The following LYPD8 variants were observed in gnomAD, a reference collection of about 807,000 sequenced individuals.
LYPD8 encodes ly6/PLAUR domain-containing protein 8.
A neutral mutation model predicts 1.7 loss-of-function variants in LYPD8; 8 were observed. The observed-to-expected ratio is 4.58, with a 90% CI of 2.69 to 8.27. The LOEUF (loss-of-function observed/expected upper bound fraction) is 8.27, where lower values mean the gene tolerates loss of function less well. LYPD8 is among the 30% of genes most tolerant of loss of function. LYPD8 has a pLI of 0.00. For missense variants in LYPD8, 112 were observed against 102.3 expected, an observed-to-expected ratio of 1.09 and a Z score of -0.41; for synonymous variants, 50 against 43.6, an observed-to-expected ratio of 1.15 and a Z score of -0.58.
intron 2 of LYPD8, among the ~76,000 whole-genome samples, chr1:248,752,906 CCCCACACACCAACACA>C (rs1428147190): frequency 2.8e-5 from 3 of 107,300 alleles, no homozygotes; most frequent in Admixed American, 9.0e-5. Flanking sequence ...ATCACACACA[CCCCACACACCAACACA>C]CCACATCACA....
Position 248,748,346 on chromosome 1 carries a change from G to A in LYPD8, c.280C>T (p.His94Tyr). 2.1e-6 allele frequency: 1 copy of A among 465,402 alleles called. No homozygotes were observed. Among genetic ancestry groups the A allele is most frequent in the South Asian group, 4.3e-5 (1 of 23,018 alleles). The allele number at this position is 465,402 out of a possible 1,614,324, so 28.8% of individuals were successfully genotyped here. The change falls in exon 5 of 7, where the codon CAT becomes TAT. Residue 94 changes from histidine to tyrosine, a missense_variant. Transcript: ENST00000590317. ...CCTTGGCAGCACTGGCTTACAAAAT[G>A]AAAGTGTTCTTCAGCAGACACGTGG... is the stretch of plus-strand genomic sequence containing the variant. Reference protein sequence around the residue: ...TVHVSAEEHFHFVSQCCQGKE... With the variant: ...TVHVSAEEHFYFVSQCCQGKE...
At chr1:248,742,930 T>A in intron 6 of LYPD8, among the ~76,000 whole-genome samples, 1 of 96,012 alleles carries the variant, frequency 1.0e-5, no homozygotes, top group African/African-American at 4.3e-5. Context: ...GAGATTATGC[T>A]CTGGTGGGGA....
intron 5 of LYPD8, among the ~76,000 whole-genome samples, chr1:248,746,145 T>G (rs1000862557): frequency 6.6e-6 from 1 of 152,246 alleles, no homozygotes; most frequent in Non-Finnish European, 1.5e-5. Context: ...TTTGGTTATT[T>G]TGGCAAACTA....
At chr1:248,748,563 G>T in intron 4 of LYPD8, 110 bp from the exon 5 acceptor site, 1 of 396,378 alleles carries the variant, frequency 2.5e-6, no homozygotes, top group Non-Finnish European at 4.4e-6. Flanking sequence ...TGCAACCTCA[G>T]TATCATGCAG....
rs980021888 is a variant in LYPD8 at position 248,739,753 on chromosome 1, A to C, written c.572T>G (p.Val191Gly). ...TGCACACTCAAACTTTCGAAAGATGACTCCTCCAAGAGTCTTGTTTTCACC... is the reference window on the plus strand; with the variant it reads ...TGCACACTCAAACTTTCGAAAGATGCCTCCTCCAAGAGTCTTGTTTTCACC... ...LSGENKTLGG[V>G]IFRKFECANV... The change falls in exon 7 of 7, where the codon GTC becomes GGC. Residue 191 changes from valine to glycine, a missense_variant. Coordinates refer to ENST00000590317, the MANE Select transcript of LYPD8 (RefSeq NM_001085474.2). This position sits in a 1 kb window ranked among gnomAD's most constrained non-coding sequence, Gnocchi z 4.3. The C allele has an allele frequency of 5.2e-6, 8 of 1,551,238 alleles. No individual in the cohort carries two copies. The African/African-American group carries it at 9.6e-5, about 19-fold the overall frequency.
chr1:248,750,818 C>T (rs990603972), intron 3 of LYPD8, among the ~76,000 whole-genome samples, 175 bp from the exon 4 acceptor site: 57 of 152,198 alleles, frequency 3.7e-4, no homozygotes, highest in Admixed American at 1.4e-3. Context: ...TAATTAGTTT[C>T]TCCCACTGCT....
At position 248,739,455 on chromosome 1, in the gene LYPD8, A is replaced by G; in HGVS notation, c.*156T>C. On this transcript the variant is annotated 3_prime_UTR_variant, in exon 7 of 7. Coordinates refer to ENST00000590317, the MANE Select transcript of LYPD8 (RefSeq NM_001085474.2). The surrounding 1 kb of genome is among the most constrained non-coding windows in gnomAD (Gnocchi z 4.3). ...AACCAGTGCTTTAATAATGAAGAAC[A>G]AGGCAGCTGTCGGCATTGCCTGGAG... 1.0e-6 allele frequency: 1 copy of G among 980,518 alleles called. No homozygotes were observed. The highest frequency in any genetic ancestry group is 3.3e-4 in the Middle Eastern group (1 of 3,026). The allele number at this position is 980,518 out of a possible 1,614,324, so 60.7% of individuals were successfully genotyped here.
At chr1:248,743,323 G>A (rs1313561869) in intron 6 of LYPD8, among the ~76,000 whole-genome samples, 2 of 152,044 alleles carry the variant, frequency 1.3e-5, no homozygotes, top group African/African-American at 4.8e-5. Flanking sequence ...AAAGTAGCCA[G>A]GTGTGGTGGC....
chr1:248,752,738 ACACAC>A (rs1662826015), intron 2 of LYPD8, among the ~76,000 whole-genome samples: 2 of 113,386 alleles, frequency 1.8e-5, no homozygotes, highest in Admixed American at 9.1e-5. Context: ...CACACATCAC[ACACAC>A]CACACACCCC....
Position 248,739,697 on chromosome 1 carries a change from G to A in LYPD8, c.628C>T (p.Pro210Ser), listed in dbSNP as rs1553283067. Residue 210 changes from proline to serine, a missense_variant, in exon 7 of 7, where the codon CCA becomes TCA. By Grantham distance (74) the Pro-to-Ser change is moderately conservative (BLOSUM62 -1). Coordinates refer to ENST00000590317, the MANE Select transcript of LYPD8 (RefSeq NM_001085474.2). The surrounding 1 kb of genome is among the most constrained non-coding windows in gnomAD (Gnocchi z 4.3). Reference protein sequence around the residue: ...NVNSLTPTSAPTTSHNVGSKA... With the variant: ...NVNSLTPTSASTTSHNVGSKA... ...GAGCCCACGTTGTGGGAAGTGGTTG[G>A]TGCAGACGTGGGGGTTAAGCTGTTT... is the stretch of plus-strand genomic sequence containing the variant. The A allele has an allele frequency of 1.9e-6, 3 of 1,551,754 alleles. No individual in the cohort carries two copies. Among genetic ancestry groups the A allele is most frequent in the Non-Finnish European group, 2.6e-6 (3 of 1,147,006 alleles).
chr1:248,748,641 C>A (rs1204962783), intron 4 of LYPD8, among the ~76,000 whole-genome samples, 188 bp from the exon 5 acceptor site: 5 of 152,220 alleles, frequency 3.3e-5, no homozygotes, highest in Admixed American at 1.3e-4. Context: ...GTAACCCCTC[C>A]TTTGAGCAGG....
intron 6 of LYPD8, among the ~76,000 whole-genome samples, chr1:248,744,230 A>G (rs1553283882): frequency 6.6e-6 from 1 of 152,154 alleles, no homozygotes. Flanking sequence ...TTTCCTGTGT[A>G]ATTGCTGTAA....
rs979431156 is a variant in LYPD8, at chr1:248,745,813, A to T, written c.338-534T>A. ...CTTTGGTCTAGATCAGCAGGTCTCA[A>T]ATTGTGGTGCAGGAAGCCTTGAGTC... On this transcript the variant is annotated intron_variant, in intron 5 of 6. Transcript: ENST00000590317. 2.4e-4 allele frequency among the ~76,000 whole-genome samples: 37 copies of T among 152,354 alleles called. No individual in the cohort carries two copies. The East Asian group carries it at 6.9e-3, about 29-fold the overall frequency.
At chr1:248,753,099 CCACACACCACACACAACACACACAA>C (rs1662848937) in intron 2 of LYPD8, among the ~76,000 whole-genome samples, 1 of 96,234 alleles carries the variant, frequency 1.0e-5, no homozygotes, top group African/African-American at 4.2e-5. Context: ...TACACACACA[CCACACACCACACACAACACACACAA>C]CACAACACAC....
chr1:248,742,531 G>A (rs1286890420), intron 6 of LYPD8, among the ~76,000 whole-genome samples: 2 of 79,564 alleles, frequency 2.5e-5, no homozygotes, highest in African/African-American at 7.2e-5. Flanking sequence ...TGTTGGCAGC[G>A]GGGAGATTAT....
Position 248,748,348 on chromosome 1 carries a change from A to G in LYPD8, c.278T>C (p.Phe93Ser). ...FTVHVSAEEH[F>S]HFVSQCCQGK... ...TTGGCAGCACTGGCTTACAAAATGA[A>G]AGTGTTCTTCAGCAGACACGTGGAC... Residue 93 changes from phenylalanine to serine, a missense_variant, in exon 5 of 7, where the codon TTT becomes TCT. Coordinates refer to ENST00000590317, the MANE Select transcript of LYPD8 (RefSeq NM_001085474.2). 1 of 464,376 alleles carries G rather than the reference A, an allele frequency of 2.2e-6. No individual in the cohort carries two copies. Among genetic ancestry groups the G allele is most frequent in the Non-Finnish European group, 3.8e-6 (1 of 266,160 alleles). 28.8% of individuals were successfully genotyped at this position (464,376 alleles called of 1,614,324 possible).
At position 248,739,883 on chromosome 1, in the gene LYPD8, T is replaced by C; in HGVS notation, c.476-34A>G. 6.4e-7 allele frequency: 1 copy of C among 1,550,770 alleles called. No homozygotes were observed. On this transcript the variant is annotated intron_variant, in intron 6 of 6. Coordinates refer to ENST00000590317, the MANE Select transcript of LYPD8 (RefSeq NM_001085474.2). The surrounding 1 kb of genome is among the most constrained non-coding windows in gnomAD (Gnocchi z 4.3). ...GCAAAGGAGACAGGAGGGACGCCAC[T>C]CAGTCCTTTGTCCTTCCACCCACGC... is the stretch of plus-strand genomic sequence containing the variant.
At chr1:248,749,348 G>T (rs1420104505) in intron 4 of LYPD8, among the ~76,000 whole-genome samples, 1 of 152,156 alleles carries the variant, frequency 6.6e-6, no homozygotes. Context: ...CTGGATATTA[G>T]AAGAAATTAA....
Position 248,750,733 on chromosome 1 carries a change from G to C in LYPD8, c.53-90C>G, listed in dbSNP as rs1005070891. 1.9e-4 allele frequency: 77 copies of C among 398,174 alleles called. 1 individual carries two copies. Among genetic ancestry groups the C allele is most frequent in the African/African-American group, 1.4e-3 (67 of 48,736 alleles). 24.7% of individuals were successfully genotyped at this position (398,174 alleles called of 1,614,324 possible). On this transcript the variant is annotated intron_variant, in intron 3 of 6. Transcript: ENST00000590317. Reference sequence around the variant, plus strand: ...CTAGGAAAAGCACTGCTCCCACCTTGCAGTAAAAGACAGACGGGATGGCAT... The same window carrying C: ...CTAGGAAAAGCACTGCTCCCACCTTCCAGTAAAAGACAGACGGGATGGCAT...
Sources: gnomAD v4.1 joint callset for allele counts (sites outside exome capture counted in the v4.1 genomes callset) on GRCh38, gnomAD v4.1.1 for gene constraint, Gnocchi (gnomAD v3.1) non-coding constraint, MANE v1.5 for transcripts, NCBI Gene and HGNC (gene_info 2026-07-23, HGNC 2026-07-21) for gene names.